CDC42SE2: variants seen among roughly 807,000 people sequenced by gnomAD.
CDC42SE2 encodes the protein CDC42 small effector 2.
A neutral mutation model predicts 11.5 loss-of-function variants in CDC42SE2; 3 were observed. That is an observed-to-expected ratio of 0.26 (90% CI 0.12 to 0.67). The LOEUF (loss-of-function observed/expected upper bound fraction) is 0.67. CDC42SE2 is among the 30% of genes least tolerant of loss of function. The pLI, the probability that CDC42SE2 is intolerant of heterozygous loss-of-function variation, is 0.80. For missense variants in CDC42SE2, 82 were observed against 106.8 expected (o/e 0.77, Z 1.02); for synonymous variants, 33 against 34.8 (o/e 0.95, Z 0.18).
At chr5:131,269,744 A>G (rs1183925157) in intron 1 of CDC42SE2, among the ~76,000 whole-genome samples, 1 of 151,796 alleles carries the variant, frequency 6.6e-6, no homozygotes, top group African/African-American at 2.4e-5. Flanking sequence ...TGCCTGGGCA[A>G]CAGAGCGAGA....
At chr5:131,295,243 A>G (rs764567444) in intron 1 of CDC42SE2, among the ~76,000 whole-genome samples, 52 of 150,888 alleles carry the variant, frequency 3.4e-4, no homozygotes, top group Middle Eastern at 3.4e-3. Flanking sequence ...AGTTGATGCC[A>G]TTGCACTCCA....
upstream of CDC42SE2, chr5:131,245,389 T>C (rs1004050205): frequency 6.6e-6 from 1 of 152,192 alleles, no homozygotes; most frequent in Non-Finnish European, 1.5e-5. Context: ...ACCAGGTTCA[T>C]AGTCAAGAAC....
At chr5:131,252,642 C>T (rs1384772374) in intron 1 of CDC42SE2, among the ~76,000 whole-genome samples, 2 of 152,044 alleles carry the variant, frequency 1.3e-5, no homozygotes, top group Non-Finnish European at 2.9e-5. Flanking sequence ...GGTGACAGAG[C>T]GAGACTTCGT....
intron 3 of CDC42SE2, among the ~76,000 whole-genome samples, chr5:131,376,021 T>TCCCC (rs1750141434): frequency 6.6e-6 from 1 of 152,052 alleles, no homozygotes; most frequent in African/African-American, 2.4e-5. Context: ...GGTGGATTAG[T>TCCCC]TGAGGTCAGG....
intron 1 of CDC42SE2, among the ~76,000 whole-genome samples, chr5:131,295,428 T>C (rs1183714450): frequency 1.3e-5 from 2 of 152,316 alleles, no homozygotes; most frequent in Non-Finnish European, 2.9e-5. Context: ...ATCCATATAA[T>C]GGAATATTGT....
rs149166060 is a variant in CDC42SE2, at chr5:131,349,480, A to T, written c.-285-9729A>T. ...GTTGTGCTCATGTACACTAGTACTT[A>T]AAGTATAATAATAATAAAAATTTCT... is the stretch of plus-strand genomic sequence containing the variant. On this transcript the variant is annotated intron_variant, in intron 2 of 4. Coordinates refer to ENST00000505065, the MANE Select transcript of CDC42SE2 (RefSeq NM_001375635.1). Among the ~76,000 whole-genome samples the T allele has an allele frequency of 3.3e-3, 502 of 152,354 alleles. 6 individuals are homozygous for T. The highest frequency in any genetic ancestry group is 0.012 in the African/African-American group (493 of 41,578).
rs77318603 is a variant in CDC42SE2, at chr5:131,302,859, T to G, written c.-454-13117T>G. Among the ~76,000 whole-genome samples the G allele has an allele frequency of 2.0e-3, 298 of 151,984 alleles. 1 individual carries two copies. Among genetic ancestry groups the G allele is most frequent in the African/African-American group, 6.9e-3 (287 of 41,446 alleles). On this transcript the variant is annotated intron_variant, in intron 1 of 4. Coordinates refer to ENST00000505065, the MANE Select transcript of CDC42SE2 (RefSeq NM_001375635.1). ...TTTTAAGACAAGCAGATTCTGAAATTCCAGCAATTAGAAATAGCTTCTTTC... is the reference window on the plus strand; with the variant it reads ...TTTTAAGACAAGCAGATTCTGAAATGCCAGCAATTAGAAATAGCTTCTTTC...
chr5:131,391,761 AGAC>A lies in CDC42SE2; in HGVS notation c.*671_*673del, dbSNP rs1429586529. On this transcript the variant is annotated 3_prime_UTR_variant, in exon 5 of 5. Transcript: ENST00000505065. ...TATAAACTTTTCAAATTAATTAAAA[AGAC>A]TACTTTGAAAAAGGATAAACCCTGA... 1 of 152,242 alleles carries A rather than the reference AGAC, an allele frequency of 6.6e-6. No individual in the cohort carries two copies. Among genetic ancestry groups the A allele is most frequent in the Non-Finnish European group, 1.5e-5 (1 of 68,032 alleles). 9.4% of individuals were successfully genotyped at this position (152,242 alleles called of 1,614,324 possible).
intron 2 of CDC42SE2, among the ~76,000 whole-genome samples, chr5:131,339,666 G>A (rs1758662119): frequency 6.6e-6 from 1 of 151,772 alleles, no homozygotes; most frequent in Non-Finnish European, 1.5e-5. Flanking sequence ...AATTAACTGG[G>A]CGTGGTGGTG....
chr5:131,367,049 A>G (rs1473200444), intron 3 of CDC42SE2, among the ~76,000 whole-genome samples: 2 of 151,168 alleles, frequency 1.3e-5, no homozygotes, highest in African/African-American at 4.9e-5. Context: ...TTTTATATAT[A>G]TATATAATTT....
At chr5:131,267,513 G>A (rs1041344112) in intron 1 of CDC42SE2, among the ~76,000 whole-genome samples, 2 of 152,080 alleles carry the variant, frequency 1.3e-5, no homozygotes, top group South Asian at 4.1e-4. Context: ...CTTCATCAGG[G>A]TATGTGTGTC....
chr5:131,222,302 A>G, the CDC42SE2 span, among the ~76,000 whole-genome samples: 5 of 152,234 alleles, frequency 3.3e-5, no homozygotes, highest in Non-Finnish European at 7.3e-5. Flanking sequence ...AAGTCCTGAG[A>G]TAGATTTTTA....
chr5:131,227,249 A>G, the CDC42SE2 span, among the ~76,000 whole-genome samples: 1 of 152,336 alleles, frequency 6.6e-6, no homozygotes, highest in East Asian at 1.9e-4. Flanking sequence ...CCTGGGAGAC[A>G]GAGTAAAACC....
chr5:131,385,652 T>C lies in CDC42SE2; in HGVS notation c.156+8T>C, dbSNP rs749138437. The stretch of plus-strand genomic sequence containing the variant: ...TTCAGTGGAATGAATTCAGTAAGTA[T>C]GTTGGTGGGACATGCAGGTAGGGCA... On this transcript the variant is annotated splice_region_variant and intron_variant, in intron 4 of 4. Coordinates refer to ENST00000505065, the MANE Select transcript of CDC42SE2 (RefSeq NM_001375635.1). 1.6e-5 allele frequency: 26 copies of C among 1,577,358 alleles called. No individual in the cohort carries two copies. In the East Asian group the frequency reaches 5.2e-4, roughly 31 times the overall value.
At chr5:131,357,875 A>G (rs1342713092) in intron 2 of CDC42SE2, among the ~76,000 whole-genome samples, 3 of 152,172 alleles carry the variant, frequency 2.0e-5, no homozygotes, top group Admixed American at 1.3e-4. Context: ...TGCCAGCGCC[A>G]CACTGTGTTT....
At chr5:131,341,441 G>A (rs887734459) in intron 2 of CDC42SE2, among the ~76,000 whole-genome samples, 9 of 152,112 alleles carry the variant, frequency 5.9e-5, no homozygotes, top group Admixed American at 2.6e-4. Flanking sequence ...TCAACTAAAC[G>A]ATCAATCAAA....
At chr5:131,245,984 C>G (rs1255245877) in intron 1 of CDC42SE2, among the ~76,000 whole-genome samples, 2 of 152,140 alleles carry the variant, frequency 1.3e-5, no homozygotes, top group Non-Finnish European at 2.9e-5. Context: ...GTAGTTTGTT[C>G]AAGAAGAACT....
Position 131,331,949 on chromosome 5 carries a change from A to G in CDC42SE2, c.-286+15805A>G, listed in dbSNP as rs185991978. 2.0e-3 allele frequency among the ~76,000 whole-genome samples: 300 copies of G among 152,234 alleles called. 1 individual carries two copies. The highest frequency in any genetic ancestry group is 7.0e-3 in the African/African-American group (289 of 41,526). ...TCTGACTGTACAGGGTTATACAAAAACCTTGAACATTTATTTATTTATTTT... is the reference window on the plus strand; with the variant it reads ...TCTGACTGTACAGGGTTATACAAAAGCCTTGAACATTTATTTATTTATTTT... On this transcript the variant is annotated intron_variant, in intron 2 of 4. Coordinates refer to ENST00000505065, the MANE Select transcript of CDC42SE2 (RefSeq NM_001375635.1).
At chr5:131,300,489 A>G (rs1245023646) in intron 1 of CDC42SE2, among the ~76,000 whole-genome samples, 1 of 152,182 alleles carries the variant, frequency 6.6e-6, no homozygotes. Flanking sequence ...ATGGCCATTA[A>G]TAATTATGTT....
Sources: gnomAD v4.1 joint callset for allele counts (sites outside exome capture counted in the v4.1 genomes callset) on GRCh38, gnomAD v4.1.1 for gene constraint, MANE v1.5 for transcripts, NCBI Gene and HGNC (gene_info 2026-07-23, HGNC 2026-07-21) for gene names.